The following ABCB11 variants were observed in gnomAD, a reference collection of about 807,000 sequenced individuals.
The protein encoded by ABCB11 is bile salt export pump.
In ABCB11, 95 loss-of-function variants were observed where a neutral mutation model predicts 148.0. The ratio of observed to expected loss-of-function variants is 0.64; its 90% confidence interval spans 0.54 to 0.76. The LOEUF is 0.76. Ranked by LOEUF, ABCB11 falls within the 30% of genes least tolerant of loss-of-function variation. The pLI, the probability that ABCB11 is intolerant of heterozygous loss-of-function variation, is 0.00. For synonymous variants in ABCB11, 591 were observed against 555.4 expected, an observed-to-expected ratio of 1.06 and a Z score of -0.90; for missense variants, 1,523 against 1,617.8, an observed-to-expected ratio of 0.94 and a Z score of 1.01.
chr2:168,936,475 C>T (rs963073899), intron 21 of ABCB11, 42 bp from the exon 22 acceptor site: 13 of 1,593,888 alleles, frequency 8.2e-6, no homozygotes, highest in African/African-American at 5.4e-5. Context: ...GACACACAGT[C>T]GCTTTTACCA....
chr2:168,959,014 G>T (rs1181129497), intron 18 of ABCB11, among the ~76,000 whole-genome samples: 2 of 151,642 alleles, frequency 1.3e-5, no homozygotes, highest in Non-Finnish European at 3.0e-5. Context: ...CGACTATAAA[G>T]CTTAATTAGT....
chr2:168,984,170 G>A (rs1248182659), intron 10 of ABCB11, among the ~76,000 whole-genome samples: 5 of 152,070 alleles, frequency 3.3e-5, no homozygotes, highest in Admixed American at 6.6e-5. Context: ...AGAGGGAGCA[G>A]GATAAGAAGC....
chr2:168,931,881 G>A (rs1012984158), intron 24 of ABCB11, among the ~76,000 whole-genome samples: 4 of 152,114 alleles, frequency 2.6e-5, no homozygotes, highest in South Asian at 2.1e-4. Flanking sequence ...CTCCAAGTAT[G>A]TATGAATGAA....
Position 168,986,102 on chromosome 2 carries a change from C to A in ABCB11, c.1083+8G>T. On this transcript the variant is annotated splice_region_variant and intron_variant, in intron 10 of 27. Coordinates refer to ENST00000650372, the MANE Select transcript of ABCB11 (RefSeq NM_003742.4). ...AATGCTATGTCTCGGTCAATAAGTC[C>A]AAGGTACCTGGACAAGGGTTCCTGG... 6.3e-7 allele frequency: 1 copy of A among 1,585,974 alleles called. No individual in the cohort carries two copies. The highest frequency in any genetic ancestry group is 8.6e-7 in the Non-Finnish European group (1 of 1,165,332).
intron 11 of ABCB11, among the ~76,000 whole-genome samples, chr2:168,977,410 T>G (rs1192572994): frequency 6.6e-6 from 1 of 152,114 alleles, no homozygotes; most frequent in Non-Finnish European, 1.5e-5. Context: ...TGTTCCTAAA[T>G]GATGTGTTCA....
intron 10 of ABCB11, 148 bp downstream of exon 10, chr2:168,985,962 G>T: frequency 1.5e-6 from 1 of 654,466 alleles, no homozygotes; most frequent in South Asian, 4.4e-5. Context: ...AAAATTTAAG[G>T]TATTACTTGT....
At chr2:168,919,424 C>A (rs549328804), downstream of ABCB11, among the ~76,000 whole-genome samples, 14 of 152,240 alleles carry the variant, frequency 9.2e-5, no homozygotes, top group African/African-American at 3.4e-4. Flanking sequence ...ATTCTAGCAG[C>A]ACCATGTTTT....
intron 17 of ABCB11, among the ~76,000 whole-genome samples, chr2:168,968,084 T>A (rs1693392658): frequency 6.6e-6 from 1 of 151,696 alleles, no homozygotes; most frequent in African/African-American, 2.4e-5. Flanking sequence ...CGTAAGACAG[T>A]GTTTCATACC....
At chr2:169,017,624 G>C (rs753983832) in intron 2 of ABCB11, among the ~76,000 whole-genome samples, 2 of 151,734 alleles carry the variant, frequency 1.3e-5, no homozygotes, top group African/African-American at 2.4e-5. Context: ...AGAACCATCT[G>C]AGCCCAGGAC....
intron 9 of ABCB11, among the ~76,000 whole-genome samples, chr2:168,987,143 C>T (rs576337164): frequency 7.9e-5 from 12 of 152,076 alleles, no homozygotes; most frequent in South Asian, 4.2e-4. Flanking sequence ...GGGGAAAAGA[C>T]GATAATAAGA....
chr2:168,997,106 G>A (rs1324846501), intron 5 of ABCB11, among the ~76,000 whole-genome samples: 5 of 151,992 alleles, frequency 3.3e-5, no homozygotes, highest in Non-Finnish European at 7.4e-5. Flanking sequence ...ATCATGCAGT[G>A]ATAGAGCAAT....
rs860510 is a variant in ABCB11 at position 168,945,118 on chromosome 2, A to C, written c.2344-157T>G. 0.48 allele frequency among the ~76,000 whole-genome samples: 73,038 copies of C among 151,652 alleles called. 19,163 individuals carry two copies. The highest frequency in any genetic ancestry group is 0.66 in the South Asian group (3,168 of 4,802). On this transcript the variant is annotated intron_variant, in intron 19 of 27. Coordinates refer to ENST00000650372, the MANE Select transcript of ABCB11 (RefSeq NM_003742.4). ...GAGTGAACCCTAATGTAAGCTGTGG[A>C]TCTGTGATAATGATGTGTCAATGTA...
intron 18 of ABCB11, among the ~76,000 whole-genome samples, chr2:168,963,014 G>T (rs1693143255): frequency 6.6e-6 from 1 of 151,668 alleles, no homozygotes; most frequent in South Asian, 2.1e-4. Flanking sequence ...TTTTCATACG[G>T]TCATAAAGAG....
intron 9 of ABCB11, among the ~76,000 whole-genome samples, chr2:168,987,460 A>G (rs1244183371): frequency 6.6e-6 from 1 of 152,132 alleles, no homozygotes; most frequent in African/African-American, 2.4e-5. Flanking sequence ...ACAGGGTCTC[A>G]CTCCATCATT....
At chr2:168,981,952 T>A (rs973957605) in intron 10 of ABCB11, among the ~76,000 whole-genome samples, 2 of 152,146 alleles carry the variant, frequency 1.3e-5, no homozygotes, top group African/African-American at 4.8e-5. Context: ...AGGCCTAAAT[T>A]GAAGTTTGGG....
In ABCB11 at chr2:168,964,223, A is replaced by G. The variant is rs2105946715; in HGVS notation, c.2161T>C (p.Tyr721His). ...TGCCTGACCTTTCTATCTTCTTCAT[A>G]GGTAGACTTATGATCTACAACAGCT... ...PLAVVDHKST[Y>H]EEDRKDKDIP... Residue 721 changes from tyrosine to histidine, a missense_variant, in exon 18 of 28, where the codon TAT becomes CAT. Coordinates refer to ENST00000650372, the MANE Select transcript of ABCB11 (RefSeq NM_003742.4). The G allele has an allele frequency of 1.3e-6, 2 of 1,558,762 alleles. No individual in the cohort carries two copies. The highest frequency in any genetic ancestry group is 2.4e-5 in the East Asian group (1 of 41,970).
intron 2 of ABCB11, 123 bp from the exon 3 acceptor site, chr2:169,016,922 G>T: frequency 1.4e-5 from 9 of 635,848 alleles, no homozygotes; most frequent in Non-Finnish European, 1.9e-5. Flanking sequence ...TGGAATATTA[G>T]CAAATGACTA....
At chr2:169,029,724 CTTTTTTTTT>C (rs1166356679) in intron 1 of ABCB11, among the ~76,000 whole-genome samples, 24,008 of 88,208 alleles carry the variant, frequency 0.27, 3,210 homozygotes, top group Admixed American at 0.43. Flanking sequence ...GTTCTTTCCT[CTTTTTTTTT>C]TTTTTTTTTT....
chr2:168,921,868 T>TC lies in ABCB11; in HGVS notation c.*1753_*1754insG, dbSNP rs1014462645. ...CCTCTTTTCTTTTTCTTTTTCTTTT[T>TC]TTTTTTTTTTCGCTCTGTCGCCCAG... On this transcript the variant is annotated 3_prime_UTR_variant, in exon 28 of 28. Transcript: ENST00000650372. Among the ~76,000 whole-genome samples the TC allele has an allele frequency of 2.0e-5, 3 of 150,130 alleles. No homozygotes were observed. Among genetic ancestry groups the TC allele is most frequent in the African/African-American group, 7.4e-5 (3 of 40,798 alleles).
Sources: allele counts gnomAD v4.1 joint callset (sites outside exome capture counted in the v4.1 genomes callset), GRCh38; gene constraint gnomAD v4.1.1; transcripts MANE v1.5; gene names NCBI Gene and HGNC (gene_info 2026-07-23, HGNC 2026-07-21).